Variants in LPP observed in about 807,000 individuals in gnomAD.
The protein encoded by LPP is LIM domain containing preferred translocation partner in lipoma.
In LPP, 38 loss-of-function variants were observed where a neutral mutation model predicts 60.4. That is an observed-to-expected ratio of 0.63 (90% CI 0.49 to 0.83). The LOEUF is 0.83. Among genes scored for constraint, LPP ranks in the 40% least tolerant of loss-of-function variants. The probability of loss-of-function intolerance (pLI) is 0.00; values close to 1 mark genes in which losing one functional copy is unlikely to be tolerated. For synonymous variants in LPP, 328 were observed against 290.8 expected (o/e 1.13, Z -1.30); for missense variants, 902 against 783.6 (o/e 1.15, Z -1.80).
chr3:188,818,255 T>G (rs1015173979), intron 9 of LPP, among the ~76,000 whole-genome samples: 2 of 152,208 alleles, frequency 1.3e-5, no homozygotes, highest in Non-Finnish European at 2.9e-5. Context: ...CCAGTACAGC[T>G]AATATGCTTT....
intron 7 of LPP, among the ~76,000 whole-genome samples, chr3:188,692,419 T>C (rs1037326104): frequency 6.6e-6 from 1 of 152,226 alleles, no homozygotes; most frequent in African/African-American, 2.4e-5. Context: ...TTGACTTGAC[T>C]CACTTGATGT....
chr3:188,703,629 TTCA>T (rs1864911569), intron 7 of LPP, among the ~76,000 whole-genome samples: 1 of 152,154 alleles, frequency 6.6e-6, no homozygotes, highest in Non-Finnish European at 1.5e-5. Context: ...CTCAGAATCT[TTCA>T]TCATAAGAAA....
chr3:188,733,874 T>C (rs758828712), intron 8 of LPP, among the ~76,000 whole-genome samples: 14 of 152,234 alleles, frequency 9.2e-5, no homozygotes, highest in Non-Finnish European at 1.3e-4. Context: ...GTTGTTACTA[T>C]GATATAGGCG....
intron 2 of LPP, among the ~76,000 whole-genome samples, chr3:188,286,688 A>T (rs1273359820): frequency 6.6e-6 from 1 of 152,144 alleles, no homozygotes; most frequent in Non-Finnish European, 1.5e-5. Context: ...AAAGCCAGCT[A>T]ACTTTATGAG....
At chr3:188,240,422 A>C (rs1033927632) in intron 2 of LPP, among the ~76,000 whole-genome samples, 1 of 151,642 alleles carries the variant, frequency 6.6e-6, no homozygotes, top group Admixed American at 6.6e-5. Flanking sequence ...ACAAATGAAG[A>C]GGGAGAGGTC....
intron 4 of LPP, among the ~76,000 whole-genome samples, chr3:188,408,525 G>GA (rs1784203661): frequency 6.6e-6 from 1 of 152,130 alleles, no homozygotes; most frequent in African/African-American, 2.4e-5. Flanking sequence ...TTTGTTACCT[G>GA]AAAATTCTAT....
Position 188,886,737 on chromosome 3 carries a change from T to TATACAC in LPP, c.*12259_*12260insTACACA, listed in dbSNP as rs1553882076. 5.3e-6 allele frequency: 1 copy of TATACAC among 189,006 alleles called. No individual in the cohort carries two copies. 11.7% of individuals were successfully genotyped at this position (189,006 alleles called of 1,614,324 possible). A position where few individuals can be genotyped will look rare whatever the true frequency, so the allele number is the denominator to read the frequency against. ...TCTTCAAAACACACACACACACACA[T>TATACAC]ACACACACACACACACACACACACA... is the stretch of plus-strand genomic sequence containing the variant. On this transcript the variant is annotated 3_prime_UTR_variant, in exon 12 of 12. Transcript: ENST00000617246.
At chr3:188,754,037 G>C (rs554839212) in intron 8 of LPP, among the ~76,000 whole-genome samples, 1 of 152,286 alleles carries the variant, frequency 6.6e-6, no homozygotes, top group East Asian at 1.9e-4. Context: ...TAAAGACAGA[G>C]TCCCAAGAAA....
chr3:188,501,487 C>T lies in LPP; in HGVS notation c.306+16783C>T, dbSNP rs941143281. ...AATATTGGCCGGGCGTGGTGGCTCACGCCTGTAATCCCAGCACTTTGAGAG... is the reference window on the plus strand; with the variant it reads ...AATATTGGCCGGGCGTGGTGGCTCATGCCTGTAATCCCAGCACTTTGAGAG... On this transcript the variant is annotated intron_variant, in intron 5 of 11. Transcript: ENST00000617246. Among the ~76,000 whole-genome samples the T allele has an allele frequency of 3.9e-5, 6 of 152,182 alleles. No homozygotes were observed. The South Asian group carries it at 6.2e-4, about 16-fold the overall frequency.
chr3:188,278,241 G>A (rs1276712550), intron 2 of LPP, among the ~76,000 whole-genome samples: 1 of 152,204 alleles, frequency 6.6e-6, no homozygotes, highest in Admixed American at 6.5e-5. Context: ...GGCACAACTT[G>A]TAATGGCAGG....
At chr3:188,682,095 A>G (rs1859663710) in intron 7 of LPP, among the ~76,000 whole-genome samples, 1 of 152,158 alleles carries the variant, frequency 6.6e-6, no homozygotes, top group Admixed American at 6.5e-5. Context: ...GTTTTTTTGC[A>G]GATGGCAAAA....
intron 1 of LPP, among the ~76,000 whole-genome samples, chr3:188,177,880 C>T (rs1261788685): frequency 6.6e-6 from 1 of 152,074 alleles, no homozygotes; most frequent in African/African-American, 2.4e-5. Context: ...AGTTGCTGCC[C>T]GAGGTGGGAC....
chr3:188,246,616 C>T, intron 2 of LPP, among the ~76,000 whole-genome samples: 1 of 152,120 alleles, frequency 6.6e-6, no homozygotes, highest in East Asian at 1.9e-4. Flanking sequence ...ACAACATTTT[C>T]CCTGGAAAAG....
intron 8 of LPP, among the ~76,000 whole-genome samples, chr3:188,717,881 G>A (rs374738916): frequency 2.0e-5 from 3 of 151,940 alleles, no homozygotes; most frequent in Non-Finnish European, 4.4e-5. Context: ...GCAATGGTGC[G>A]ATCTCGGTGC....
intron 3 of LPP, 43 bp from the exon 4 acceptor site, chr3:188,406,069 G>A (rs1783420763): frequency 1.0e-5 from 16 of 1,539,146 alleles, no homozygotes; most frequent in Admixed American, 7.1e-5. Flanking sequence ...TATTGTCTTC[G>A]TTTTCATGCT....
intron 1 of LPP, among the ~76,000 whole-genome samples, chr3:188,187,069 T>C (rs975517233): frequency 5.9e-5 from 9 of 152,212 alleles, no homozygotes. Context: ...CTCTCCACAT[T>C]TACCCTTCAA....
At chr3:188,427,062 C>A (rs879908830) in intron 4 of LPP, among the ~76,000 whole-genome samples, 1 of 151,966 alleles carries the variant, frequency 6.6e-6, no homozygotes, top group African/African-American at 2.4e-5. Flanking sequence ...CTTTACAATG[C>A]GCTATGTTTT....
At chr3:188,651,230 TGCCTTC>T in intron 7 of LPP, among the ~76,000 whole-genome samples, 1 of 152,330 alleles carries the variant, frequency 6.6e-6, no homozygotes, top group South Asian at 2.1e-4. Flanking sequence ...TAACGCAGTC[TGCCTTC>T]CAGGAACCCT....
intron 4 of LPP, among the ~76,000 whole-genome samples, chr3:188,430,439 C>T (rs1167651386): frequency 6.6e-6 from 1 of 152,102 alleles, no homozygotes; most frequent in Non-Finnish European, 1.5e-5. Context: ...TTGAGCATTA[C>T]AGTTACACAC....
Sources: gnomAD v4.1 joint callset for allele counts (sites outside exome capture counted in the v4.1 genomes callset) on GRCh38, gnomAD v4.1.1 for gene constraint, MANE v1.5 for transcripts, NCBI Gene and HGNC (gene_info 2026-07-23, HGNC 2026-07-21) for gene names.